Variants in FHIT observed in about 807,000 individuals in gnomAD.
The protein encoded by FHIT is fragile histidine triad diadenosine triphosphatase, also known as bis(5'-adenosyl)-triphosphatase.
FHIT carries 19 observed loss-of-function variants against 17.9 expected under a neutral mutation model. That is an observed-to-expected ratio of 1.06 (90% CI 0.74 to 1.56). FHIT has a LOEUF of 1.56. Among genes scored for constraint, FHIT ranks in the 40% most tolerant of loss-of-function variants. The probability of loss-of-function intolerance (pLI) is 0.00; values close to 1 mark genes in which losing one functional copy is unlikely to be tolerated. For synonymous variants in FHIT, 81 were observed against 69.7 expected (o/e 1.16, Z -0.81); for missense variants, 248 against 189.2 (o/e 1.31, Z -1.82).
chr3:59,933,187 T>C (rs771106478), intron 7 of FHIT, among the ~76,000 whole-genome samples: 13 of 152,174 alleles, frequency 8.5e-5, no homozygotes, highest in Non-Finnish European at 1.8e-4. Context: ...TAGAGAAATG[T>C]GGGTTCTTTC....
At chr3:60,042,865 T>C (rs212057) in intron 5 of FHIT, among the ~76,000 whole-genome samples, 8,471 of 152,164 alleles carry the variant, frequency 0.056, 303 homozygotes, top group South Asian at 0.09. Context: ...TGCCCCAAAG[T>C]GGAAAGGTAC....
intron 5 of FHIT, among the ~76,000 whole-genome samples, chr3:60,242,861 A>C (rs1250883777): frequency 1.3e-5 from 2 of 152,004 alleles, no homozygotes; most frequent in African/African-American, 4.8e-5. Flanking sequence ...AAACACATAC[A>C]CATATGTGAA....
chr3:60,754,588 G>A (rs1417223757), intron 4 of FHIT, among the ~76,000 whole-genome samples: 3 of 152,014 alleles, frequency 2.0e-5, no homozygotes, highest in Middle Eastern at 3.4e-3. Flanking sequence ...CTAAGATCGC[G>A]CCACTGCACT....
At chr3:59,870,133 T>C (rs1402625707) in intron 8 of FHIT, among the ~76,000 whole-genome samples, 1 of 152,160 alleles carries the variant, frequency 6.6e-6, no homozygotes, top group Non-Finnish European at 1.5e-5. Context: ...CAAACCCACC[T>C]CTATTTCACT....
At chr3:60,414,768 T>C (rs1702181967) in intron 5 of FHIT, among the ~76,000 whole-genome samples, 2 of 152,188 alleles carry the variant, frequency 1.3e-5, no homozygotes, top group Non-Finnish European at 2.9e-5. Flanking sequence ...GCATTTCTGT[T>C]AATAGTAGAA....
In FHIT at chr3:59,747,661, G is replaced by A. The variant is rs114824435; in HGVS notation, c.*1924C>T. 6.3e-3 allele frequency among the ~76,000 whole-genome samples: 961 copies of A among 152,232 alleles called. 15 individuals are homozygous for A. Among genetic ancestry groups the A allele is most frequent in the African/African-American group, 0.022 (897 of 41,550 alleles). Reference sequence around the variant, plus strand: ...GTGTTCACATTCTTCTTTGCAACCTGTTGGTTTTCAAGACAGACTGTCGGC... The same window carrying A: ...GTGTTCACATTCTTCTTTGCAACCTATTGGTTTTCAAGACAGACTGTCGGC... On this transcript the variant is annotated 3_prime_UTR_variant, in exon 10 of 10. Coordinates refer to ENST00000492590, the MANE Select transcript of FHIT (RefSeq NM_002012.4).
intron 5 of FHIT, among the ~76,000 whole-genome samples, chr3:60,189,661 G>A (rs1258905430): frequency 6.6e-6 from 1 of 152,186 alleles, no homozygotes; most frequent in African/African-American, 2.4e-5. Context: ...GAATTCACTA[G>A]AATTTGGTCG....
At chr3:59,771,051 C>T (rs1334018111) in intron 8 of FHIT, among the ~76,000 whole-genome samples, 6 of 152,196 alleles carry the variant, frequency 3.9e-5, no homozygotes, top group Non-Finnish European at 1.5e-5. Context: ...GAAATACCTG[C>T]ACTCTAGTTT....
chr3:61,212,235 A>G (rs2039504697), intron 1 of FHIT, among the ~76,000 whole-genome samples: 2 of 152,228 alleles, frequency 1.3e-5, no homozygotes, highest in Admixed American at 1.3e-4. Context: ...ACCAAAGACA[A>G]AGAAGTTAAA....
chr3:60,249,065 T>A (rs1705551022), intron 5 of FHIT, among the ~76,000 whole-genome samples: 1 of 152,154 alleles, frequency 6.6e-6, no homozygotes, highest in Non-Finnish European at 1.5e-5. Flanking sequence ...ATGTCTTCAT[T>A]TCCTAATGAG....
At chr3:59,916,794 T>C (rs1705155310) in intron 8 of FHIT, among the ~76,000 whole-genome samples, 1 of 152,196 alleles carries the variant, frequency 6.6e-6, no homozygotes, top group African/African-American at 2.4e-5. Context: ...ATTTGTTAGT[T>C]TTATCACATC....
intron 4 of FHIT, among the ~76,000 whole-genome samples, chr3:60,686,299 G>A (rs782353178): frequency 4.6e-5 from 7 of 152,214 alleles, no homozygotes; most frequent in South Asian, 2.1e-4. Flanking sequence ...CATCTTGAAC[G>A]TGTACATTTA....
intron 5 of FHIT, among the ~76,000 whole-genome samples, chr3:60,285,361 T>C (rs951855983): frequency 7.9e-5 from 12 of 151,884 alleles, no homozygotes; most frequent in Middle Eastern, 3.4e-3. Flanking sequence ...CCATGAATTA[T>C]CTCTCCAGTG....
chr3:60,335,859 G>T (rs946241539), intron 5 of FHIT, among the ~76,000 whole-genome samples: 1 of 151,966 alleles, frequency 6.6e-6, no homozygotes, highest in African/African-American at 2.4e-5. Flanking sequence ...AAAAAAAATG[G>T]TATGCTCCAA....
intron 5 of FHIT, among the ~76,000 whole-genome samples, chr3:60,432,367 C>G (rs1048043609): frequency 5.3e-5 from 8 of 152,114 alleles, no homozygotes; most frequent in African/African-American, 1.9e-4. Context: ...AGTGTTGGAC[C>G]TAATCTAGAT....
chr3:61,178,907 C>T (rs1299554491), intron 2 of FHIT, among the ~76,000 whole-genome samples: 1 of 152,078 alleles, frequency 6.6e-6, no homozygotes, highest in Non-Finnish European at 1.5e-5. Flanking sequence ...GTCAGCCATG[C>T]CATGGCTAGA....
intron 4 of FHIT, among the ~76,000 whole-genome samples, chr3:60,554,992 C>G (rs572846426): frequency 6.6e-6 from 1 of 152,296 alleles, no homozygotes; most frequent in South Asian, 2.1e-4. Context: ...CTTCTAATAT[C>G]TAACGGTGTT....
At chr3:60,783,016 C>T (rs141454020) in intron 4 of FHIT, among the ~76,000 whole-genome samples, 1 of 152,230 alleles carries the variant, frequency 6.6e-6, no homozygotes, top group Non-Finnish European at 1.5e-5. Context: ...AAGGTCTCCC[C>T]CTGTTGCCCA....
chr3:60,699,119 A>G lies in FHIT; in HGVS notation c.-18+122800T>C, dbSNP rs575117824. On this transcript the variant is annotated intron_variant, in intron 4 of 9. Coordinates refer to ENST00000492590, the MANE Select transcript of FHIT (RefSeq NM_002012.4). ...GGTATCTCTGTGTGTGTATAGTTGT[A>G]AAATATAACTTTTAAGTGAATTTAT... Among the ~76,000 whole-genome samples, 122 of 152,290 alleles carry G rather than the reference A, an allele frequency of 8.0e-4. 3 individuals are homozygous for G. The highest frequency in any genetic ancestry group is 6.5e-4 in the Admixed American group (10 of 15,298).
Sources: gnomAD v4.1 joint callset for allele counts (sites outside exome capture counted in the v4.1 genomes callset) on GRCh38, gnomAD v4.1.1 for gene constraint, MANE v1.5 for transcripts, NCBI Gene and HGNC (gene_info 2026-07-23, HGNC 2026-07-21) for gene names.